STPG2: variants seen among roughly 807,000 people sequenced by gnomAD.
STPG2 encodes the protein sperm tail PG-rich repeat containing 2, also known as sperm-tail PG-rich repeat-containing protein 2.
STPG2 carries 56 observed loss-of-function variants against 54.2 expected under a neutral mutation model. The observed-to-expected ratio is 1.03, with a 90% CI of 0.83 to 1.29. The LOEUF (loss-of-function observed/expected upper bound fraction) is 1.29, where lower values mean the gene tolerates loss of function less well. STPG2 is among the 50% of genes most tolerant of loss of function. The probability of loss-of-function intolerance (pLI) is 0.00; values close to 1 mark genes in which losing one functional copy is unlikely to be tolerated. For missense variants in STPG2, 596 were observed against 544.9 expected (o/e 1.09, Z -0.93); for synonymous variants, 200 against 181.8 (o/e 1.10, Z -0.81).
intron 9 of STPG2, among the ~76,000 whole-genome samples, chr4:97,809,904 A>T (rs1727683669): frequency 6.7e-6 from 1 of 150,236 alleles, no homozygotes; most frequent in Admixed American, 6.6e-5. Context: ...ACACAGCAAT[A>T]AAAAAAAATG....
intron 5 of STPG2, among the ~76,000 whole-genome samples, chr4:97,982,058 G>A (rs2149263730): frequency 6.6e-6 from 1 of 151,536 alleles, no homozygotes; most frequent in African/African-American, 2.4e-5. Flanking sequence ...CTATTTTTTT[G>A]TATTTTTAGT....
chr4:97,660,360 A>G (rs1305015032), intron 10 of STPG2, among the ~76,000 whole-genome samples: 1 of 152,202 alleles, frequency 6.6e-6, no homozygotes. Context: ...CCTTGCAGCT[A>G]TTGAGCAACT....
At chr4:97,782,169 A>G (rs1410988746) in intron 9 of STPG2, among the ~76,000 whole-genome samples, 2 of 152,216 alleles carry the variant, frequency 1.3e-5, no homozygotes, top group African/African-American at 2.4e-5. Context: ...ACATGATTGT[A>G]TATTTAGAAA....
At chr4:97,966,721 A>G (rs1386574024) in intron 7 of STPG2, among the ~76,000 whole-genome samples, 1 of 152,216 alleles carries the variant, frequency 6.6e-6, no homozygotes, top group Non-Finnish European at 1.5e-5. Flanking sequence ...ACAATATTCA[A>G]TATTCTGAAA....
chr4:97,587,305 T>C (rs976046399), intron 10 of STPG2, among the ~76,000 whole-genome samples: 1 of 151,988 alleles, frequency 6.6e-6, no homozygotes, highest in Non-Finnish European at 1.5e-5. Context: ...TAAGAAATTA[T>C]ATTGTTTATA....
At chr4:97,765,676 A>G (rs1439061987) in intron 9 of STPG2, among the ~76,000 whole-genome samples, 1 of 152,138 alleles carries the variant, frequency 6.6e-6, no homozygotes. Flanking sequence ...CACTAAGATT[A>G]TGGGGTTTTT....
At chr4:97,739,751 C>T (rs1008999692) in intron 9 of STPG2, among the ~76,000 whole-genome samples, 1 of 152,102 alleles carries the variant, frequency 6.6e-6, no homozygotes, top group Admixed American at 6.5e-5. Flanking sequence ...GAGTCCAGGA[C>T]CAGATGGATT....
intron 8 of STPG2, 85 bp from the exon 9 acceptor site, chr4:97,841,017 C>A: frequency 7.6e-7 from 1 of 1,309,184 alleles, no homozygotes; most frequent in Non-Finnish European, 1.0e-6. Flanking sequence ...TTACAGTAAG[C>A]AATGAATAGA....
intron 5 of STPG2, among the ~76,000 whole-genome samples, chr4:97,985,396 A>G (rs1385115459): frequency 1.3e-5 from 2 of 152,204 alleles, no homozygotes; most frequent in South Asian, 2.1e-4. Flanking sequence ...ATCCAGGGGT[A>G]AGGGCCATTG....
chr4:98,123,709 G>T (rs957724364), intron 3 of STPG2, among the ~76,000 whole-genome samples: 4 of 152,124 alleles, frequency 2.6e-5, no homozygotes, highest in African/African-American at 7.2e-5. Context: ...AGGTCCAGGT[G>T]ATTTAGAGCT....
chr4:97,851,745 T>G (rs1409357941), intron 8 of STPG2, among the ~76,000 whole-genome samples: 1 of 152,208 alleles, frequency 6.6e-6, no homozygotes, highest in African/African-American at 2.4e-5. Context: ...TAATGTGAGA[T>G]GCATTTTCTT....
intron 10 of STPG2, among the ~76,000 whole-genome samples, chr4:97,614,728 C>G (rs747070467): frequency 3.3e-5 from 5 of 152,108 alleles, no homozygotes; most frequent in Non-Finnish European, 7.4e-5. Context: ...CAAAGAAATG[C>G]TTCAGAATCC....
At chr4:98,077,804 G>T (rs560150087) in intron 5 of STPG2, among the ~76,000 whole-genome samples, 1 of 152,068 alleles carries the variant, frequency 6.6e-6, no homozygotes, top group Non-Finnish European at 1.5e-5. Context: ...TTCCTACCCC[G>T]ACAGCGCTAA....
chr4:97,991,562 C>T (rs1179674831), intron 5 of STPG2, among the ~76,000 whole-genome samples: 1 of 151,596 alleles, frequency 6.6e-6, no homozygotes, highest in Non-Finnish European at 1.5e-5. Context: ...CTGCTATAAA[C>T]ATGTGTGTGC....
At chr4:97,825,848 A>T (rs1418373457) in intron 9 of STPG2, among the ~76,000 whole-genome samples, 2 of 151,950 alleles carry the variant, frequency 1.3e-5, no homozygotes, top group Non-Finnish European at 2.9e-5. Flanking sequence ...TATCTTTGGT[A>T]AATAAATAAA....
chr4:97,926,682 A>T (rs951532927), intron 8 of STPG2, among the ~76,000 whole-genome samples: 2 of 152,152 alleles, frequency 1.3e-5, no homozygotes, highest in Non-Finnish European at 2.9e-5. Context: ...TAAAAAGATG[A>T]GTTTCACTTT....
downstream of STPG2, among the ~76,000 whole-genome samples, chr4:97,555,547 C>T (rs1048925771): frequency 2.0e-4 from 31 of 152,032 alleles, no homozygotes; most frequent in African/African-American, 4.8e-4. Context: ...GATGGTGAGA[C>T]ATCACATTAT....
intron 10 of STPG2, among the ~76,000 whole-genome samples, chr4:97,606,296 T>G (rs1267389999): frequency 6.6e-6 from 1 of 151,914 alleles, no homozygotes; most frequent in Non-Finnish European, 1.5e-5. Flanking sequence ...TTTTGTTTAT[T>G]TTATTTTAGA....
Position 97,513,009 on chromosome 4 carries a change from A to C in STPG2, c.462+199690T>G, listed in dbSNP as rs559137938. Among the ~76,000 whole-genome samples, 24 of 152,230 alleles carry C rather than the reference A, an allele frequency of 1.6e-4. No homozygotes were observed. In the South Asian group the frequency reaches 4.3e-3, roughly 28 times the overall value. ...TCCCACAAGACTGCCCCTACTTCAG[A>C]TGCTGGTTGCAAGAACAGATTGTGG... On this transcript the variant is annotated intron_variant, in intron 4 of 4. Coordinates refer to the STPG2 transcript ENST00000522676.
Sources: allele counts gnomAD v4.1 joint callset (sites outside exome capture counted in the v4.1 genomes callset), GRCh38; gene constraint gnomAD v4.1.1; transcripts MANE v1.5; gene names NCBI Gene and HGNC (gene_info 2026-07-23, HGNC 2026-07-21).